KAZN: variants seen among roughly 807,000 people sequenced by gnomAD.
KAZN encodes kazrin.
A neutral mutation model predicts 87.4 loss-of-function variants in KAZN; 40 were observed. The observed-to-expected ratio is 0.46, with a 90% CI of 0.36 to 0.60. The LOEUF (loss-of-function observed/expected upper bound fraction) is 0.60. Ranked by LOEUF, KAZN falls within the 20% of genes least tolerant of loss-of-function variation. The pLI is 0.00. For missense variants in KAZN, 898 were observed against 1,073.9 expected, an observed-to-expected ratio of 0.84 and a Z score of 2.29; for synonymous variants, 466 against 458.3, an observed-to-expected ratio of 1.02 and a Z score of -0.22.
At position 14,650,775 on chromosome 1, in the gene KAZN, G is replaced by T. The variant is rs56971796; in HGVS notation, c.226+51552G>T. On this transcript the variant is annotated intron_variant, in intron 1 of 14. Transcript: ENST00000376030. ...CATGCACATGTTTCTATTGCATTTAGAAACACTACCTATAGGTAGGGTAGT... is the reference window on the plus strand; with the variant it reads ...CATGCACATGTTTCTATTGCATTTATAAACACTACCTATAGGTAGGGTAGT... 9.4e-3 allele frequency among the ~76,000 whole-genome samples: 1,431 copies of T among 152,292 alleles called. 23 individuals are homozygous for T. Among genetic ancestry groups the T allele is most frequent in the African/African-American group, 0.033 (1,366 of 41,542 alleles).
chr1:14,628,744 C>T (rs1572083651), intron 1 of KAZN, among the ~76,000 whole-genome samples: 1 of 152,108 alleles, frequency 6.6e-6, no homozygotes, highest in Middle Eastern at 3.4e-3. Context: ...GAAAGCTGGA[C>T]GGAGACATTC....
chr1:14,343,317 T>C (rs1053704989), intron 2 of KAZN, among the ~76,000 whole-genome samples: 1 of 152,136 alleles, frequency 6.6e-6, no homozygotes, highest in Non-Finnish European at 1.5e-5. Flanking sequence ...GAAAGACGAT[T>C]TGAGTCCACT....
chr1:13,935,654 AAC>A (rs2100950141), intron 1 of KAZN, among the ~76,000 whole-genome samples: 1 of 152,294 alleles, frequency 6.6e-6, no homozygotes, highest in Non-Finnish European at 1.5e-5. Context: ...ATAAGCCACA[AAC>A]ACATGTGTAG....
At chr1:15,102,414 G>C (rs1377299347) in intron 11 of KAZN, among the ~76,000 whole-genome samples, 1 of 152,248 alleles carries the variant, frequency 6.6e-6, no homozygotes, top group African/African-American at 2.4e-5. Flanking sequence ...AAGGCCCAGA[G>C]GACTGATCCA....
At chr1:14,978,751 C>T (rs931878497) in intron 2 of KAZN, among the ~76,000 whole-genome samples, 1 of 152,030 alleles carries the variant, frequency 6.6e-6, no homozygotes, top group African/African-American at 2.4e-5. Context: ...GGGGCTTTGC[C>T]AGGCAGAGGC....
chr1:14,774,460 T>C (rs1006587296), intron 1 of KAZN, among the ~76,000 whole-genome samples: 1 of 149,518 alleles, frequency 6.7e-6, no homozygotes, highest in Non-Finnish European at 1.5e-5. Context: ...TTCTTGGTTC[T>C]TGAACAGATT....
chr1:14,922,651 G>T (rs1658653748), intron 1 of KAZN, among the ~76,000 whole-genome samples: 1 of 152,072 alleles, frequency 6.6e-6, no homozygotes, highest in Non-Finnish European at 1.5e-5. Flanking sequence ...AATTAGCCGG[G>T]CATGGTGGCG....
At chr1:15,080,635 G>A (rs1639952858) in intron 8 of KAZN, among the ~76,000 whole-genome samples, 1 of 152,204 alleles carries the variant, frequency 6.6e-6, no homozygotes, top group African/African-American at 2.4e-5. Flanking sequence ...AGCCATGATC[G>A]GGCCATAAAA....
In KAZN at chr1:15,066,459, C is replaced by T. The variant is rs1307649567; in HGVS notation, c.1222+706C>T. 36 of 985,242 alleles carry T rather than the reference C, an allele frequency of 3.7e-5. No individual in the cohort carries two copies. Among genetic ancestry groups the T allele is most frequent in the Non-Finnish European group, 4.1e-5 (34 of 829,942 alleles). 61.0% of individuals were successfully genotyped at this position (985,242 alleles called of 1,614,324 possible). ...CTGCTCTCTACAAAGACTCGCGAGC[C>T]GGGCCAAGGGGCCTTGTCTTGGCTG... On this transcript the variant is annotated intron_variant, in intron 8 of 14. Transcript: ENST00000376030. This position sits in a 1 kb window ranked among gnomAD's most constrained non-coding sequence, Gnocchi z 4.3.
intron 1 of KAZN, among the ~76,000 whole-genome samples, chr1:14,028,308 C>T (rs1452357610): frequency 3.3e-5 from 5 of 152,170 alleles, no homozygotes; most frequent in African/African-American, 4.8e-5. Context: ...AATGATCCAG[C>T]GTCATGCTTT....
At chr1:14,319,435 C>A (rs1283141935) in intron 2 of KAZN, among the ~76,000 whole-genome samples, 1 of 152,122 alleles carries the variant, frequency 6.6e-6, no homozygotes, top group East Asian at 1.9e-4. Context: ...TCACCCTACA[C>A]ATAGATGTGT....
At chr1:14,398,507 C>T (rs1343606187) in intron 2 of KAZN, among the ~76,000 whole-genome samples, 1 of 152,196 alleles carries the variant, frequency 6.6e-6, no homozygotes, top group Non-Finnish European at 1.5e-5. Flanking sequence ...GCTATTATCC[C>T]TTTTAAAGGG....
intron 2 of KAZN, among the ~76,000 whole-genome samples, chr1:14,327,064 G>C (rs1374468013): frequency 6.6e-6 from 1 of 152,224 alleles, no homozygotes; most frequent in South Asian, 2.1e-4. Context: ...ACCTGGAACA[G>C]TTAGCACTTT....
At chr1:14,437,788 C>A (rs967345782) in intron 2 of KAZN, among the ~76,000 whole-genome samples, 2 of 152,068 alleles carry the variant, frequency 1.3e-5, no homozygotes, top group Non-Finnish European at 2.9e-5. Context: ...CACGGTACCT[C>A]CCCCGTGTAT....
At chr1:14,503,361 G>A (rs1670371703) in intron 2 of KAZN, among the ~76,000 whole-genome samples, 1 of 151,356 alleles carries the variant, frequency 6.6e-6, no homozygotes, top group South Asian at 2.1e-4. Flanking sequence ...GCGGGTGCCT[G>A]TGGTCCCAGC....
chr1:14,462,860 C>T (rs569622227), intron 2 of KAZN, among the ~76,000 whole-genome samples: 5 of 152,208 alleles, frequency 3.3e-5, no homozygotes, highest in South Asian at 4.2e-4. Context: ...TCCCATGACA[C>T]GTGGAAATTG....
intron 2 of KAZN, among the ~76,000 whole-genome samples, chr1:14,962,867 G>A (rs972744720): frequency 6.6e-6 from 1 of 152,110 alleles, no homozygotes; most frequent in East Asian, 1.9e-4. Context: ...GTTAAGCAGA[G>A]GCTCACTTAC....
intron 1 of KAZN, among the ~76,000 whole-genome samples, chr1:13,961,933 C>A (rs540901445): frequency 1.3e-5 from 2 of 152,322 alleles, no homozygotes; most frequent in Admixed American, 1.3e-4. Flanking sequence ...CCCTCTTGCA[C>A]CCTCAGGGCC....
At chr1:14,838,994 C>G (rs1336189798) in intron 1 of KAZN, among the ~76,000 whole-genome samples, 1 of 152,162 alleles carries the variant, frequency 6.6e-6, no homozygotes, top group Non-Finnish European at 1.5e-5. Context: ...GGGCAAGCAG[C>G]CCATGCCCCC....
Sources: gnomAD v4.1 joint callset for allele counts (sites outside exome capture counted in the v4.1 genomes callset) on GRCh38, gnomAD v4.1.1 for gene constraint, Gnocchi (gnomAD v3.1) non-coding constraint, MANE v1.5 for transcripts, NCBI Gene and HGNC (gene_info 2026-07-23, HGNC 2026-07-21) for gene names.